The following ZNF565 variants were observed in gnomAD, a reference collection of about 807,000 sequenced individuals.
The protein encoded by ZNF565 is zinc finger protein 565.
ZNF565 carries 27 observed loss-of-function variants against 39.4 expected under a neutral mutation model. That is an observed-to-expected ratio of 0.69 (90% confidence interval 0.51 to 0.95). The LOEUF (loss-of-function observed/expected upper bound fraction) is 0.95, where lower values mean the gene tolerates loss of function less well. ZNF565 is among the 40% of genes least tolerant of loss of function. The pLI is 0.00. For synonymous variants in ZNF565, 185 were observed against 216.6 expected, an observed-to-expected ratio of 0.85 and a Z score of 1.28; for missense variants, 524 against 621.1, an observed-to-expected ratio of 0.84 and a Z score of 1.66.
chr19:36,184,092 A>AC (rs1975198815), intron 4 of ZNF565, among the ~76,000 whole-genome samples: 2 of 149,492 alleles, frequency 1.3e-5, no homozygotes, highest in African/African-American at 4.9e-5. Context: ...AAAAAAAAAA[A>AC]AAAAAAAAAA....
chr19:36,222,022 T>A (rs1204811557), intron 1 of ZNF565, among the ~76,000 whole-genome samples: 1 of 149,590 alleles, frequency 6.7e-6, no homozygotes, highest in East Asian at 2.0e-4. Flanking sequence ...CTCCAACTGC[T>A]GGGCTGAAGT....
chr19:36,242,432 T>TA (rs1432310672), intron 1 of ZNF565, among the ~76,000 whole-genome samples: 2 of 143,662 alleles, frequency 1.4e-5, no homozygotes, highest in African/African-American at 5.3e-5. Flanking sequence ...AACAACCTAT[T>TA]AAAAATGGGC....
At chr19:36,219,190 C>T (rs953802573), upstream of ZNF565, among the ~76,000 whole-genome samples, 1 of 152,106 alleles carries the variant, frequency 6.6e-6, no homozygotes, top group Non-Finnish European at 1.5e-5. Flanking sequence ...GATGGGGTCT[C>T]ACTCTGGCTC....
chr19:36,204,982 T>C (rs1976099070), intron 1 of ZNF565, among the ~76,000 whole-genome samples: 1 of 151,878 alleles, frequency 6.6e-6, no homozygotes, highest in African/African-American at 2.4e-5. Flanking sequence ...AGTGAGATTC[T>C]GTCTCAAAAA....
chr19:36,207,548 A>G (rs1013450245), intron 1 of ZNF565, among the ~76,000 whole-genome samples: 2 of 152,000 alleles, frequency 1.3e-5, no homozygotes, highest in Non-Finnish European at 2.9e-5. Flanking sequence ...CAAACAAAAA[A>G]AAAAATACAT....
At chr19:36,237,374 A>G (rs1011526296) in intron 1 of ZNF565, 4 of 1,531,342 alleles carry the variant, frequency 2.6e-6, no homozygotes, top group Non-Finnish European at 3.5e-6. Context: ...TTTGCACCTC[A>G]TCATGCCCCA....
intron 4 of ZNF565, among the ~76,000 whole-genome samples, chr19:36,184,713 G>A (rs1000172701): frequency 6.6e-6 from 1 of 152,272 alleles, no homozygotes; most frequent in Admixed American, 6.5e-5. Flanking sequence ...GACATTTCAT[G>A]TAAATAAGGC....
intron 1 of ZNF565, among the ~76,000 whole-genome samples, chr19:36,241,756 C>A (rs973059241): frequency 2.2e-5 from 3 of 138,270 alleles, no homozygotes; most frequent in Admixed American, 7.6e-5. Flanking sequence ...TGTGCCACTG[C>A]ACTCCAGCCT....
chr19:36,245,611 C>A lies in ZNF565; in HGVS notation c.-81G>T. The stretch of plus-strand genomic sequence containing the variant: ...GGAGGCTTGAGATGCAGCCTCCCAG[C>A]TTCGAGGCTACCACCTGCCCGAATT... On this transcript the variant is annotated 5_prime_UTR_variant, in exon 1 of 5. Coordinates refer to the ZNF565 transcript ENST00000355114. This position sits in a 1 kb window ranked among gnomAD's most constrained non-coding sequence, Gnocchi z 4.4. 2.9e-6 allele frequency: 2 copies of A among 700,588 alleles called. No individual in the cohort carries two copies. The highest frequency in any genetic ancestry group is 2.6e-6 in the Non-Finnish European group (1 of 383,642). 43.4% of individuals were successfully genotyped at this position (700,588 alleles called of 1,614,324 possible). A position where few individuals can be genotyped will look rare whatever the true frequency, so the allele number is the denominator to read the frequency against.
chr19:36,194,467 G>T, intron 3 of ZNF565, 139 bp from the exon 4 acceptor site: 1 of 585,846 alleles, frequency 1.7e-6, no homozygotes, highest in Non-Finnish European at 2.9e-6. Flanking sequence ...CTGCCCAGCA[G>T]AATGACTTGT....
chr19:36,182,815 A>G lies in ZNF565; in HGVS notation c.1151T>C (p.Val384Ala). ...TTCATAGGGTCTGTCGCCAGTATGG[A>G]CTCTCTGATGTCGTGTGAGCTGTGC... ...QHAQLTRHQR[V>A]HTGDRPYECK... Residue 384 changes from valine (V) to alanine (A), a missense_variant, in exon 5 of 5, where the codon GTC becomes GCC. Transcript: ENST00000304116. 6.2e-7 allele frequency: 1 copy of G among 1,614,006 alleles called. No individual in the cohort carries two copies. The highest frequency in any genetic ancestry group is 1.1e-5 in the South Asian group (1 of 91,082).
chr19:36,235,765 G>A (rs994683937), intron 1 of ZNF565: 2 of 152,208 alleles, frequency 1.3e-5, no homozygotes, highest in Non-Finnish European at 2.9e-5. Flanking sequence ...GAGAAAAAGA[G>A]CGTTGAATAT....
Position 36,195,104 on chromosome 19 carries a change from T to C in ZNF565, c.62A>G (p.Lys21Arg). Reference sequence around the variant, plus strand: ...GTCCCTCTGAGCAGGTTCCAGGCACTTCCATTCTTCCAGAGAGAACTCTAT... The same window carrying C: ...GTCCCTCTGAGCAGGTTCCAGGCACCTCCATTCTTCCAGAGAGAACTCTAT... ...VAIEFSLEEW[K>R]CLEPAQRDLY... Residue 21 changes from lysine (K) to arginine (R), a missense_variant, in exon 3 of 5, where the codon AAG (lysine) becomes AGG (arginine). Transcript: ENST00000304116. The C allele has an allele frequency of 6.2e-7, 1 of 1,614,170 alleles. No individual in the cohort carries two copies. Among genetic ancestry groups the C allele is most frequent in the African/African-American group, 1.3e-5 (1 of 75,046 alleles).
At chr19:36,191,682 C>T (rs375192189) in intron 4 of ZNF565, among the ~76,000 whole-genome samples, 3 of 152,166 alleles carry the variant, frequency 2.0e-5, no homozygotes, top group Admixed American at 6.6e-5. Context: ...ACGAACTCAT[C>T]GTGATATAAA....
chr19:36,244,371 A>AC (rs948239191), intron 1 of ZNF565, among the ~76,000 whole-genome samples: 1 of 77,790 alleles, frequency 1.3e-5, no homozygotes, highest in Non-Finnish European at 2.8e-5. Context: ...CAAAATGGTG[A>AC]AACCCTTCTC....
chr19:36,245,376 G>C lies in ZNF565; in HGVS notation c.55+100C>G, dbSNP rs1221831565. ...GGGTCTGATCTGGCGGGCTCGAAGG[G>C]AGGACAGTCACTGCGACCCGGAAAG... On this transcript the variant is annotated intron_variant, in intron 1 of 4. Transcript: ENST00000355114. The surrounding 1 kb of genome is among the most constrained non-coding windows in gnomAD (Gnocchi z 4.4). 1.4e-6 allele frequency: 1 copy of C among 693,336 alleles called. No individual in the cohort carries two copies. The highest frequency in any genetic ancestry group is 1.8e-5 in the African/African-American group (1 of 57,122). The allele number at this position is 693,336 out of a possible 1,614,324, so 42.9% of individuals were successfully genotyped here.
At chr19:36,238,048 T>G (rs1287567154) in intron 1 of ZNF565, 1 of 167,126 alleles carries the variant, frequency 6.0e-6, no homozygotes, top group African/African-American at 2.4e-5. Flanking sequence ...CTAGGATATT[T>G]ACTGTGGCTT....
chr19:36,234,723 AG>A (rs1977571682), intron 1 of ZNF565, among the ~76,000 whole-genome samples: 1 of 152,208 alleles, frequency 6.6e-6, no homozygotes, highest in African/African-American at 2.4e-5. Flanking sequence ...CTTCAGCTGC[AG>A]AATGGTGCTG....
intron 4 of ZNF565, among the ~76,000 whole-genome samples, chr19:36,190,162 A>C (rs2145310672): frequency 6.6e-6 from 1 of 152,200 alleles, no homozygotes; most frequent in African/African-American, 2.4e-5. Flanking sequence ...TATTCAATTA[A>C]CTTTGCTAAA....
Sources: gnomAD v4.1 joint callset for allele counts (sites outside exome capture counted in the v4.1 genomes callset) on GRCh38, gnomAD v4.1.1 for gene constraint, Gnocchi (gnomAD v3.1) non-coding constraint, MANE v1.5 for transcripts, NCBI Gene and HGNC (gene_info 2026-07-23, HGNC 2026-07-21) for gene names.